OTOP2: variants seen among roughly 807,000 people sequenced by gnomAD.
OTOP2 encodes the protein otopetrin 2.
In OTOP2, 41 loss-of-function variants were observed where a neutral mutation model predicts 47.4. The ratio of observed to expected loss-of-function variants is 0.87; its 90% CI spans 0.67 to 1.12. The LOEUF is 1.12. OTOP2 is among the 50% of genes most tolerant of loss of function. The pLI, the probability that OTOP2 is intolerant of heterozygous loss-of-function variation, is 0.00. For missense variants in OTOP2, 721 were observed against 752.2 expected (o/e 0.96, Z 0.49); for synonymous variants, 328 against 319.6 (o/e 1.03, Z -0.28).
rs1160785041 is a variant in OTOP2 at position 74,924,954 on chromosome 17, G to A, written c.313+9G>A. The A allele has an allele frequency of 6.5e-7, 1 of 1,545,844 alleles. No individual in the cohort carries two copies. The highest frequency in any genetic ancestry group is 8.7e-7 in the Non-Finnish European group (1 of 1,143,152). On this transcript the variant is annotated intron_variant, in intron 2 of 6. Coordinates refer to ENST00000331427, the MANE Select transcript of OTOP2 (RefSeq NM_178160.3). The surrounding 1 kb of genome is among the most constrained non-coding windows in gnomAD (Gnocchi z 7.7). Reference sequence around the variant, plus strand: ...CCCCATCTGGCTCCGAGGTGCCAGGGGAGGTGGGGGCGAGGTAGGGTGGGC... The same window carrying A: ...CCCCATCTGGCTCCGAGGTGCCAGGAGAGGTGGGGGCGAGGTAGGGTGGGC...
At position 74,931,107 on chromosome 17, in the gene OTOP2, A is replaced by G. The variant is rs2144768771; in HGVS notation, c.1472A>G (p.Gln491Arg). The part of the protein sequence containing the change: ...VSTPRSQWRR[Q>R]CLKDISLFLL... ...ACCCCCAGAAGCCAGTGGAGACGCC[A>G]GTGCCTAAAAGACATTTCTCTGTTT... Residue 491 changes from glutamine (Q) to arginine (R), a missense_variant, in exon 6 of 7, where the codon CAG becomes CGG. Coordinates refer to ENST00000331427, the MANE Select transcript of OTOP2 (RefSeq NM_178160.3). 6.2e-7 allele frequency: 1 copy of G among 1,611,540 alleles called. No homozygotes were observed. The highest frequency in any genetic ancestry group is 1.1e-5 in the South Asian group (1 of 90,832).
In OTOP2 at chr17:74,927,798, C is replaced by G; in HGVS notation, c.643C>G (p.Gln215Glu). Residue 215 changes from glutamine (Q) to glutamate (E), a missense_variant and splice_region_variant, in exon 5 of 7, where the codon CAG (glutamine) becomes GAG (glutamate). Physicochemically the swap from Gln to Glu is conservative, Grantham distance 29. Coordinates refer to ENST00000331427, the MANE Select transcript of OTOP2 (RefSeq NM_178160.3). The part of the protein sequence containing the change: ...NASHARLISD[Q>E]HADNPVGGDS... ...CAGCCACGCCCGTCTCATCTCTGAC[C>G]GTGAGTTTCCTCTTAATGCTGGCCC... 6.2e-7 allele frequency: 1 copy of G among 1,613,580 alleles called. No individual in the cohort carries two copies. Among genetic ancestry groups the G allele is most frequent in the Non-Finnish European group, 8.5e-7 (1 of 1,179,754 alleles).
At chr17:74,928,466 G>A (rs1248678492) in intron 5 of OTOP2, among the ~76,000 whole-genome samples, 1 of 152,232 alleles carries the variant, frequency 6.6e-6, no homozygotes, top group East Asian at 1.9e-4. Context: ...TCAGATGGGA[G>A]AGCCCGGGAA....
At chr17:74,926,390 C>CT (rs1444568132) in intron 3 of OTOP2, among the ~76,000 whole-genome samples, 1 of 151,978 alleles carries the variant, frequency 6.6e-6, no homozygotes, top group Non-Finnish European at 1.5e-5. Flanking sequence ...TATAGATATC[C>CT]CCACATCACC....
Position 74,930,037 on chromosome 17 carries a change from G to A in OTOP2, c.644-242G>A, listed in dbSNP as rs1281930754. On this transcript the variant is annotated intron_variant, in intron 5 of 6. Transcript: ENST00000331427. This position sits in a 1 kb window ranked among gnomAD's most constrained non-coding sequence, Gnocchi z 4.0. ...GTCTCTACTAAAAATATAAAAATTA[G>A]CCAGGTGTGATGACAGGTGCCTGTA... Among the ~76,000 whole-genome samples the A allele has an allele frequency of 6.6e-6, 1 of 152,160 alleles. No individual in the cohort carries two copies. Among genetic ancestry groups the A allele is most frequent in the South Asian group, 2.1e-4 (1 of 4,836 alleles).
intron 4 of OTOP2, 96 bp from the exon 5 acceptor site, chr17:74,927,569 G>C: frequency 2.0e-6 from 3 of 1,498,250 alleles, no homozygotes; most frequent in Non-Finnish European, 2.7e-6. Context: ...ACAGGGCCTG[G>C]CTGCTTTATC....
chr17:74,930,306 A>G lies in OTOP2; in HGVS notation c.671A>G (p.Asp224Gly). The G allele has an allele frequency of 1.2e-6, 2 of 1,613,062 alleles. No homozygotes were observed. The highest frequency in any genetic ancestry group is 1.7e-6 in the Non-Finnish European group (2 of 1,179,508). The change falls in exon 6 of 7, where the codon GAC (aspartate) becomes GGC (glycine). Residue 224 changes from aspartate (D) to glycine (G), a missense_variant. By Grantham distance (94) the Asp-to-Gly change is moderately conservative. Transcript: ENST00000331427. The surrounding 1 kb of genome is among the most constrained non-coding windows in gnomAD (Gnocchi z 4.0). ...CATGCAGACAACCCGGTCGGAGGAG[A>G]CTCCTGCCTCTGCAGCACGGCCGTC... ...DQHADNPVGG[D>G]SCLCSTAVCQ...
intron 2 of OTOP2, 149 bp downstream of exon 2, chr17:74,925,094 C>A (rs1457152147): frequency 7.7e-6 from 8 of 1,040,346 alleles, no homozygotes; most frequent in Non-Finnish European, 1.1e-5. Context: ...AAGTGGGCTG[C>A]AGTTAGGGAA....
chr17:74,925,658 A>T lies in OTOP2; in HGVS notation c.416A>T (p.His139Leu). ...TGCCAGTCAGCCATCAAGATCCTGC[A>T]CCCCCTCATCCAGGCTGTGTTTGTC... ...FECQSAIKILHPLIQAVFVII... is the reference protein window; with the variant it reads ...FECQSAIKILLPLIQAVFVII... The change falls in exon 3 of 7, where the codon CAC (histidine) becomes CTC (leucine). Residue 139 changes from histidine (H) to leucine (L), a missense_variant. Transcript: ENST00000331427. 5 of 1,613,900 alleles carry T rather than the reference A, an allele frequency of 3.1e-6. No homozygotes were observed. The highest frequency in any genetic ancestry group is 4.2e-6 in the Non-Finnish European group (5 of 1,179,974).
chr17:74,928,571 C>T (rs1315993389), intron 5 of OTOP2, among the ~76,000 whole-genome samples: 1 of 152,174 alleles, frequency 6.6e-6, no homozygotes, highest in African/African-American at 2.4e-5. Context: ...GTGTCTTAAA[C>T]ACTCCATTTA....
In OTOP2 at chr17:74,933,541, C is replaced by A. The variant is rs987389945; in HGVS notation, c.1685C>A (p.Ser562Tyr). ...VSSLLEVYVL[S>Y] ...AGCCTGCTGGAGGTCTACGTGCTGT[C>A]CTGAGGCCTCCAACAGAGGCATGGG... The change falls in exon 7 of 7, where the codon TCC becomes TAC. Residue 562 changes from serine to tyrosine, a missense_variant. Coordinates refer to ENST00000331427, the MANE Select transcript of OTOP2 (RefSeq NM_178160.3). This position sits in a 1 kb window ranked among gnomAD's most constrained non-coding sequence, Gnocchi z 4.7. 6.3e-7 allele frequency: 1 copy of A among 1,596,304 alleles called. No individual in the cohort carries two copies. Among genetic ancestry groups the A allele is most frequent in the Non-Finnish European group, 8.6e-7 (1 of 1,166,168 alleles).
chr17:74,927,222 G>C lies in OTOP2; in HGVS notation c.451-1G>C. ...ACTCTCACCAATGTCTCTCCATACAGACCTACTTTCTCTGGGTCTCTGCTA... is the reference window on the plus strand; with the variant it reads ...ACTCTCACCAATGTCTCTCCATACACACCTACTTTCTCTGGGTCTCTGCTA... On this transcript the variant is annotated splice_acceptor_variant, in intron 3 of 6. Coordinates refer to ENST00000331427, the MANE Select transcript of OTOP2 (RefSeq NM_178160.3). LOFTEE classifies it high-confidence loss of function. The C allele has an allele frequency of 6.2e-7, 1 of 1,611,756 alleles. No homozygotes were observed. Among genetic ancestry groups the C allele is most frequent in the Non-Finnish European group, 8.5e-7 (1 of 1,177,820 alleles).
Position 74,933,604 on chromosome 17 carries a change from G to A in OTOP2, c.*59G>A. The stretch of plus-strand genomic sequence containing the variant: ...GGGGCTCAGCTCATGTGCCCACTCA[G>A]ACACCCTCTGGGAATGAATCCCAGC... On this transcript the variant is annotated 3_prime_UTR_variant, in exon 7 of 7. Coordinates refer to ENST00000331427, the MANE Select transcript of OTOP2 (RefSeq NM_178160.3). The surrounding 1 kb of genome is among the most constrained non-coding windows in gnomAD (Gnocchi z 4.7). The A allele has an allele frequency of 1.3e-6, 2 of 1,504,876 alleles. No individual in the cohort carries two copies. Among genetic ancestry groups the A allele is most frequent in the Non-Finnish European group, 1.8e-6 (2 of 1,110,890 alleles). 93.2% of individuals were successfully genotyped at this position (1,504,876 alleles called of 1,614,324 possible).
At chr17:74,925,221 C>A (rs956439254) in intron 2 of OTOP2, among the ~76,000 whole-genome samples, 1 of 152,040 alleles carries the variant, frequency 6.6e-6, no homozygotes, top group African/African-American at 2.4e-5. Flanking sequence ...TGATGGAGAG[C>A]AGGAACCAGA....
In OTOP2 at chr17:74,924,953, G is replaced by T. The variant is rs2038992883; in HGVS notation, c.313+8G>T. 1.3e-6 allele frequency: 2 copies of T among 1,545,638 alleles called. No homozygotes were observed. The highest frequency in any genetic ancestry group is 1.4e-5 in the African/African-American group (1 of 73,626). The stretch of plus-strand genomic sequence containing the variant: ...GCCCCATCTGGCTCCGAGGTGCCAG[G>T]GGAGGTGGGGGCGAGGTAGGGTGGG... On this transcript the variant is annotated splice_region_variant and intron_variant, in intron 2 of 6. Transcript: ENST00000331427. This position sits in a 1 kb window ranked among gnomAD's most constrained non-coding sequence, Gnocchi z 7.7.
rs1450376055 is a variant in OTOP2 at position 74,931,024 on chromosome 17, C to T, written c.1389C>T (p.Asn463=). 6.2e-7 allele frequency: 1 copy of T among 1,614,206 alleles called. No homozygotes were observed. The highest frequency in any genetic ancestry group is 1.1e-5 in the South Asian group (1 of 91,084). The stretch of plus-strand genomic sequence containing the variant: ...ACACGTTGTCCGCCTGCCCACCCAA[C>T]CCCGGGCTGGTTAGCCCCAGCCCTT... The part of the protein sequence containing the change: ...ALHTLSACPP[N]PGLVSPSPSD... Residue 463 remains asparagine, a synonymous_variant, in exon 6 of 7, where the codon AAC becomes AAT. Transcript: ENST00000331427.
At position 74,924,889 on chromosome 17, in the gene OTOP2, G is replaced by A. The variant is rs761229321; in HGVS notation, c.257G>A (p.Arg86His). 6 of 1,597,084 alleles carry A rather than the reference G, an allele frequency of 3.8e-6. No homozygotes were observed. The highest frequency in any genetic ancestry group is 5.1e-6 in the Non-Finnish European group (6 of 1,172,816). ...WILFYLLRTVRCPCAVPYRDA... is the reference protein window; with the variant it reads ...WILFYLLRTVHCPCAVPYRDA... The stretch of plus-strand genomic sequence containing the variant: ...CTCTTCTACCTCCTCCGAACCGTGC[G>A]CTGCCCCTGCGCGGTACCCTACCGG... The change falls in exon 2 of 7, where the codon CGC (arginine) becomes CAC (histidine). Residue 86 changes from arginine to histidine, a missense_variant. Physicochemically the swap from Arg to His is conservative, Grantham distance 29. Coordinates refer to ENST00000331427, the MANE Select transcript of OTOP2 (RefSeq NM_178160.3). The surrounding 1 kb of genome is among the most constrained non-coding windows in gnomAD (Gnocchi z 7.7).
Position 74,933,719 on chromosome 17 carries a change from C to G in OTOP2, c.*174C>G. On this transcript the variant is annotated 3_prime_UTR_variant, in exon 7 of 7. Transcript: ENST00000331427. The surrounding 1 kb of genome is among the most constrained non-coding windows in gnomAD (Gnocchi z 4.7). ...CCAGGTTCAATTTTTAAATCACAGT[C>G]AGGACAGGCCCATCCACCCCAGTAT... 3 of 744,488 alleles carry G rather than the reference C, an allele frequency of 4.0e-6. No homozygotes were observed. The highest frequency in any genetic ancestry group is 6.2e-6 in the Non-Finnish European group (3 of 484,658). 46.1% of individuals were successfully genotyped at this position (744,488 alleles called of 1,614,324 possible).
At chr17:74,927,123 G>A (rs2039014530) in intron 3 of OTOP2, 100 bp from the exon 4 acceptor site, 1 of 1,095,914 alleles carries the variant, frequency 9.1e-7, no homozygotes, top group African/African-American at 1.5e-5. Context: ...TCAGTGTAAG[G>A]GTTCCTCAGG....
Sources: allele counts gnomAD v4.1 joint callset (sites outside exome capture counted in the v4.1 genomes callset), GRCh38; gene constraint gnomAD v4.1.1; non-coding constraint Gnocchi (gnomAD v3.1); transcripts MANE v1.5; gene names NCBI Gene and HGNC (gene_info 2026-07-23, HGNC 2026-07-21).